Variants in GLIS3 observed in about 807,000 individuals in gnomAD.
GLIS3 encodes zinc finger protein GLIS3.
A neutral mutation model predicts 78.6 loss-of-function variants in GLIS3; 53 were observed. The ratio of observed to expected loss-of-function variants is 0.67; its 90% CI spans 0.54 to 0.85. The LOEUF (loss-of-function observed/expected upper bound fraction) is 0.85, where lower values mean the gene tolerates loss of function less well. GLIS3 is among the 40% of genes least tolerant of loss of function. The pLI is 0.00. For synonymous variants in GLIS3, 684 were observed against 509.9 expected, an observed-to-expected ratio of 1.34 and a Z score of -4.60; for missense variants, 1,703 against 1,231.1, an observed-to-expected ratio of 1.38 and a Z score of -5.74.
rs79080820 is a variant in GLIS3, at chr9:3,911,151, G to A, written c.1984-12316C>T. Among the ~76,000 whole-genome samples the A allele has an allele frequency of 8.4e-3, 1,240 of 147,298 alleles. 19 individuals are homozygous for A. Among genetic ancestry groups the A allele is most frequent in the African/African-American group, 0.029 (1,153 of 39,660 alleles). On this transcript the variant is annotated intron_variant, in intron 6 of 10. Transcript: ENST00000381971. ...CTTTCTTCCTTCCTCCCTTCCTTCC[G>A]CACTATTTCTTGATTCTGTACCATG... is the stretch of plus-strand genomic sequence containing the variant.
At chr9:4,206,203 G>C (rs1819866000) in intron 2 of GLIS3, among the ~76,000 whole-genome samples, 1 of 152,194 alleles carries the variant, frequency 6.6e-6, no homozygotes, top group Admixed American at 6.5e-5. Context: ...TAGTGACCAA[G>C]GGATATTGCA....
chr9:4,258,033 C>A (rs1200656173), intron 2 of GLIS3, among the ~76,000 whole-genome samples: 3 of 152,092 alleles, frequency 2.0e-5, no homozygotes, highest in African/African-American at 7.2e-5. Flanking sequence ...ATACTGTAGG[C>A]ATAATGAACT....
intron 4 of GLIS3, among the ~76,000 whole-genome samples, chr9:4,062,055 C>G (rs986406256): frequency 1.3e-5 from 2 of 152,230 alleles, no homozygotes; most frequent in Non-Finnish European, 2.9e-5. Flanking sequence ...TTCCTGGACA[C>G]AATTTCATTA....
intron 2 of GLIS3, among the ~76,000 whole-genome samples, chr9:4,173,216 A>C (rs1816521743): frequency 6.6e-6 from 1 of 152,280 alleles, no homozygotes; most frequent in South Asian, 2.1e-4. Context: ...ACAGGAATAC[A>C]AGTGGGAAAA....
intron 4 of GLIS3, among the ~76,000 whole-genome samples, chr9:4,005,697 T>A (rs1043601669): frequency 1.3e-5 from 2 of 152,288 alleles, no homozygotes; most frequent in Middle Eastern, 3.4e-3. Context: ...ATATCAAACA[T>A]TGTAATAGCA....
chr9:4,486,149 C>CT, the GLIS3 span, among the ~76,000 whole-genome samples: 1 of 152,124 alleles, frequency 6.6e-6, no homozygotes, highest in Non-Finnish European at 1.5e-5. Flanking sequence ...CAAGTATGCA[C>CT]TATAGGAGCT....
At chr9:4,281,536 G>A (rs982355929) in intron 2 of GLIS3, among the ~76,000 whole-genome samples, 16 of 152,100 alleles carry the variant, frequency 1.1e-4, no homozygotes, top group Non-Finnish European at 2.4e-4. Context: ...CATACAATAC[G>A]TGTCCTTTTG....
chr9:4,267,632 C>G (rs751833802), intron 2 of GLIS3, among the ~76,000 whole-genome samples: 2 of 152,214 alleles, frequency 1.3e-5, no homozygotes, highest in Non-Finnish European at 2.9e-5. Context: ...CTAACTCATC[C>G]TGAAAATCAG....
chr9:4,041,173 C>T (rs902039492), intron 4 of GLIS3, among the ~76,000 whole-genome samples: 7 of 152,260 alleles, frequency 4.6e-5, no homozygotes, highest in African/African-American at 1.7e-4. Flanking sequence ...ACATGGGAAT[C>T]CCTGGGAAGC....
At position 4,286,156 on chromosome 9, in the gene GLIS3, C is replaced by T. The variant is rs1827973595; in HGVS notation, c.270G>A (p.Met90Ile). ...GGAATCGCGGCTTCCCATTGGTGAGCATTTGTCTCCTGGGGCTTAAGGCAG... is the reference window on the plus strand; with the variant it reads ...GGAATCGCGGCTTCCCATTGGTGAGTATTTGTCTCCTGGGGCTTAAGGCAG... Reference protein sequence around the residue: ...HLPALSPRRQMLTNGKPRFQV... With the variant: ...HLPALSPRRQILTNGKPRFQV... Residue 90 changes from methionine (M) to isoleucine (I), a missense_variant, in exon 2 of 11, where the codon ATG (methionine) becomes ATA (isoleucine). Physicochemically the swap from Met to Ile is conservative, Grantham distance 10. Coordinates refer to ENST00000381971, the MANE Select transcript of GLIS3 (RefSeq NM_001042413.2). 1.2e-6 allele frequency: 2 copies of T among 1,614,190 alleles called. No homozygotes were observed. Among genetic ancestry groups the T allele is most frequent in the Non-Finnish European group, 1.7e-6 (2 of 1,180,030 alleles).
intron 2 of GLIS3, among the ~76,000 whole-genome samples, chr9:4,266,113 T>G (rs1825980962): frequency 6.6e-6 from 1 of 151,726 alleles, no homozygotes; most frequent in Admixed American, 6.6e-5. Context: ...AGAGACAAGG[T>G]TTCACCATGT....
intron 2 of GLIS3, among the ~76,000 whole-genome samples, chr9:4,171,286 T>C (rs1396277096): frequency 1.3e-5 from 2 of 152,200 alleles, no homozygotes; most frequent in African/African-American, 4.8e-5. Context: ...ATCTAGGGAA[T>C]AGCTTAAGTT....
At chr9:4,232,977 T>G (rs191518445) in intron 2 of GLIS3, among the ~76,000 whole-genome samples, 6 of 152,334 alleles carry the variant, frequency 3.9e-5, no homozygotes, top group Admixed American at 2.6e-4. Context: ...CTTCTCTGTT[T>G]CTAGAATATC....
chr9:4,125,624 A>C (rs1304890747), intron 3 of GLIS3, 110 bp downstream of exon 3: 4 of 775,336 alleles, frequency 5.2e-6, no homozygotes, highest in Non-Finnish European at 8.7e-6. Context: ...TTGAGTGTGT[A>C]AGTGTATGAG....
intron 9 of GLIS3, among the ~76,000 whole-genome samples, chr9:3,846,797 ATTAAG>A (rs1356903403): frequency 1.9e-4 from 29 of 152,192 alleles, no homozygotes; most frequent in African/African-American, 6.0e-4. Flanking sequence ...GCAGTAATAT[ATTAAG>A]TTTACCTCAA....
chr9:4,206,923 C>G (rs1819931854), intron 2 of GLIS3, among the ~76,000 whole-genome samples: 1 of 152,180 alleles, frequency 6.6e-6, no homozygotes, highest in Admixed American at 6.5e-5. Flanking sequence ...GTCCATGATA[C>G]TGACAAACAA....
chr9:4,193,492 G>C (rs1425093125), intron 2 of GLIS3, among the ~76,000 whole-genome samples: 1 of 152,352 alleles, frequency 6.6e-6, no homozygotes, highest in African/African-American at 2.4e-5. Flanking sequence ...AAAGAAGGAA[G>C]ATCAGTAAGA....
At chr9:4,205,699 C>A (rs1819814622) in intron 2 of GLIS3, among the ~76,000 whole-genome samples, 1 of 152,148 alleles carries the variant, frequency 6.6e-6, no homozygotes, top group African/African-American at 2.4e-5. Context: ...CCAGCACCCA[C>A]TTTAGGATTT....
the GLIS3 span, among the ~76,000 whole-genome samples, chr9:4,392,485 T>C: frequency 3.3e-5 from 5 of 152,152 alleles, no homozygotes; most frequent in Non-Finnish European, 4.4e-5. Flanking sequence ...CTGCCTCCTC[T>C]CCACCTCGCT....
Sources: gnomAD v4.1 joint callset for allele counts (sites outside exome capture counted in the v4.1 genomes callset) on GRCh38, gnomAD v4.1.1 for gene constraint, MANE v1.5 for transcripts, NCBI Gene and HGNC (gene_info 2026-07-23, HGNC 2026-07-21) for gene names.